SPRED2: variants seen among roughly 807,000 people sequenced by gnomAD.
SPRED2 encodes the protein sprouty related EVH1 domain containing 2.
In SPRED2, 47 loss-of-function variants were observed where a neutral mutation model predicts 43.0. The observed-to-expected ratio is 1.09, with a 90% CI of 0.87 to 1.40. The LOEUF (loss-of-function observed/expected upper bound fraction) is 1.40, where lower values mean the gene tolerates loss of function less well. Among genes scored for constraint, SPRED2 ranks in the 40% most tolerant of loss-of-function variants. The pLI, the probability that SPRED2 is intolerant of heterozygous loss-of-function variation, is 0.00. For synonymous variants in SPRED2, 225 were observed against 225.7 expected (o/e 1.00, Z 0.03); for missense variants, 561 against 586.4 (o/e 0.96, Z 0.45).
At chr2:65,369,282 CAT>C (rs1160891916) in intron 1 of SPRED2, among the ~76,000 whole-genome samples, 2 of 151,756 alleles carry the variant, frequency 1.3e-5, no homozygotes, top group African/African-American at 2.4e-5. Flanking sequence ...CACACACACA[CAT>C]ACACACACAC....
chr2:65,421,451 A>T (rs1676420329), intron 1 of SPRED2, among the ~76,000 whole-genome samples: 1 of 152,188 alleles, frequency 6.6e-6, no homozygotes, highest in Non-Finnish European at 1.5e-5. Flanking sequence ...GAATCTCAGG[A>T]TCAGAATCCT....
chr2:65,366,706 C>A (rs1674990616), intron 1 of SPRED2: 1 of 1,525,932 alleles, frequency 6.6e-7, no homozygotes, highest in South Asian at 1.3e-5. Context: ...TGAGAACCAG[C>A]TGGCTGCCTG....
At chr2:65,388,871 C>A (rs1164900669) in intron 1 of SPRED2, among the ~76,000 whole-genome samples, 1 of 152,158 alleles carries the variant, frequency 6.6e-6, no homozygotes, top group Non-Finnish European at 1.5e-5. Context: ...CACTGTAGCC[C>A]ACCCCCTCCT....
At chr2:65,408,348 TA>T (rs1676072703) in intron 1 of SPRED2, among the ~76,000 whole-genome samples, 1 of 152,198 alleles carries the variant, frequency 6.6e-6, no homozygotes, top group African/African-American at 2.4e-5. Flanking sequence ...TTTGGGAAGA[TA>T]AATATGCAGT....
intron 1 of SPRED2, among the ~76,000 whole-genome samples, chr2:65,376,017 G>A (rs893636891): frequency 2.6e-5 from 4 of 152,224 alleles, no homozygotes; most frequent in African/African-American, 9.7e-5. Context: ...ACAATATGGT[G>A]CACAGAATGC....
At chr2:65,361,168 C>T (rs1674805712) in intron 1 of SPRED2, among the ~76,000 whole-genome samples, 1 of 152,188 alleles carries the variant, frequency 6.6e-6, no homozygotes, top group South Asian at 2.1e-4. Flanking sequence ...TCACAACCCT[C>T]CCTTAAAAAG....
intron 1 of SPRED2, among the ~76,000 whole-genome samples, chr2:65,422,362 G>A (rs1397119757): frequency 2.0e-5 from 3 of 152,172 alleles, no homozygotes; most frequent in African/African-American, 7.2e-5. Context: ...TAATCAGTTA[G>A]TCAGTCATCA....
At chr2:65,357,414 T>A (rs1381397065) in intron 1 of SPRED2, among the ~76,000 whole-genome samples, 1 of 152,212 alleles carries the variant, frequency 6.6e-6, no homozygotes, top group African/African-American at 2.4e-5. Context: ...AAACCGTCTA[T>A]GCTAGACTCC....
intron 1 of SPRED2, among the ~76,000 whole-genome samples, chr2:65,422,624 A>C (rs1466051476): frequency 6.6e-6 from 1 of 152,132 alleles, no homozygotes; most frequent in Admixed American, 6.6e-5. Flanking sequence ...CTGGGGCCTA[A>C]GTACATTCTA....
At chr2:65,391,148 T>A (rs1675627117) in intron 1 of SPRED2, among the ~76,000 whole-genome samples, 1 of 151,158 alleles carries the variant, frequency 6.6e-6, no homozygotes, top group Non-Finnish European at 1.5e-5. Context: ...CTTGTCACTT[T>A]ATCTTTGGCC....
rs1668906705 is a variant in SPRED2 at position 65,432,376 on chromosome 2, G to A, written c.-389C>T. ...GAGAGCGCCGGCCGCGGGTGGGGGG[G>A]CTCAGTCCGGGGTCGCCCCCGGGGG... On this transcript the variant is annotated 5_prime_UTR_variant, in exon 1 of 6. Coordinates refer to ENST00000356388, the MANE Select transcript of SPRED2 (RefSeq NM_181784.3). Among the ~76,000 whole-genome samples the A allele has an allele frequency of 6.7e-6, 1 of 148,580 alleles. No individual in the cohort carries two copies.
intron 4 of SPRED2, among the ~76,000 whole-genome samples, chr2:65,328,242 G>C (rs1673704062): frequency 6.6e-6 from 1 of 152,162 alleles, no homozygotes; most frequent in Admixed American, 6.5e-5. Flanking sequence ...CAGACCTCCA[G>C]CAAAGAGATG....
In SPRED2 at chr2:65,431,984, T is replaced by TCA. The variant is rs773867410; in HGVS notation, c.2_3dup (p.Thr2Ter). On this transcript the variant is annotated frameshift_variant, in exon 1 of 6. Transcript: ENST00000356388. LOFTEE classifies it high-confidence loss of function. ...TACTCGTCTGGGTGTGTTTCTTCGG[T>TCA]CATTTTCTTGTTCACCTAGACGCCT... 6.2e-7 allele frequency: 1 copy of TCA among 1,613,868 alleles called. No individual in the cohort carries two copies. The highest frequency in any genetic ancestry group is 8.5e-7 in the Non-Finnish European group (1 of 1,179,932).
At position 65,312,797 on chromosome 2, in the gene SPRED2, G is replaced by A. The variant is rs535659093; in HGVS notation, c.*704C>T. On this transcript the variant is annotated 3_prime_UTR_variant, in exon 6 of 6. Coordinates refer to ENST00000356388, the MANE Select transcript of SPRED2 (RefSeq NM_181784.3). ...TAAGGCTCAATTCTCAGTCTATTAC[G>A]GGTGAATGTTTTGCATCAGTGAATC... 5 of 985,824 alleles carry A rather than the reference G, an allele frequency of 5.1e-6. No homozygotes were observed. The highest frequency in any genetic ancestry group is 6.1e-5 in the Admixed American group (1 of 16,266). 61.1% of individuals were successfully genotyped at this position (985,824 alleles called of 1,614,324 possible).
intron 1 of SPRED2, among the ~76,000 whole-genome samples, chr2:65,371,229 G>A (rs1017382002): frequency 6.6e-6 from 1 of 152,148 alleles, no homozygotes; most frequent in Non-Finnish European, 1.5e-5. Context: ...TGGGGGAAAT[G>A]AATCCACAGC....
chr2:65,337,286 G>C (rs185273934), intron 2 of SPRED2, among the ~76,000 whole-genome samples: 30 of 152,192 alleles, frequency 2.0e-4, no homozygotes, highest in African/African-American at 7.0e-4. Flanking sequence ...TAAACTCTCT[G>C]GTGAAGTTTT....
chr2:65,366,761 T>C, intron 1 of SPRED2: 5 of 1,423,692 alleles, frequency 3.5e-6, no homozygotes, highest in Non-Finnish European at 4.6e-6. Flanking sequence ...TTGACAAATA[T>C]ACTGCATTGT....
At chr2:65,332,897 G>T (rs1673855568) in intron 3 of SPRED2, among the ~76,000 whole-genome samples, 1 of 152,176 alleles carries the variant, frequency 6.6e-6, no homozygotes, top group African/African-American at 2.4e-5. Context: ...TTGCATCAGT[G>T]ACAGATATAC....
intron 4 of SPRED2, among the ~76,000 whole-genome samples, chr2:65,320,191 A>G (rs751926576): frequency 2.0e-5 from 3 of 152,224 alleles, no homozygotes; most frequent in Non-Finnish European, 4.4e-5. Context: ...CGTTACAGTC[A>G]TCTATTAGGT....
Sources: gnomAD v4.1 joint callset for allele counts (sites outside exome capture counted in the v4.1 genomes callset) on GRCh38, gnomAD v4.1.1 for gene constraint, MANE v1.5 for transcripts, NCBI Gene and HGNC (gene_info 2026-07-23, HGNC 2026-07-21) for gene names.